PABPC1L: variants seen among roughly 807,000 people sequenced by gnomAD.
PABPC1L encodes polyadenylate-binding protein 1-like.
In PABPC1L, 31 loss-of-function variants were observed where a neutral mutation model predicts 66.6. The ratio of observed to expected loss-of-function variants is 0.47; its 90% CI spans 0.35 to 0.63. The LOEUF is 0.63. PABPC1L is among the 20% of genes least tolerant of loss of function. PABPC1L has a pLI of 0.00. For missense variants in PABPC1L, 722 were observed against 848.8 expected (o/e 0.85, Z 1.86); for synonymous variants, 348 against 335.1 (o/e 1.04, Z -0.42).
rs78275522 is a variant in PABPC1L, at chr20:44,925,945, T to G, written c.972+1689T>G. ...GCAAGTGGCTTTGCTTTTCGGACCT[T>G]GTTTACTCACCTATAAAGTGGGAGC... On this transcript the variant is annotated intron_variant, in intron 7 of 14. Transcript: ENST00000217073. 5.3e-3 allele frequency among the ~76,000 whole-genome samples: 805 copies of G among 152,328 alleles called. 5 individuals are homozygous for G. Among genetic ancestry groups the G allele is most frequent in the African/African-American group, 0.018 (759 of 41,568 alleles).
At chr20:44,923,024 A>G (rs576969321) in intron 6 of PABPC1L, among the ~76,000 whole-genome samples, 1 of 152,356 alleles carries the variant, frequency 6.6e-6, no homozygotes, top group Admixed American at 6.5e-5. Context: ...GCAGAACAAA[A>G]TACTCATCAC....
At chr20:44,922,829 G>C (rs550388406) in intron 6 of PABPC1L, among the ~76,000 whole-genome samples, 1 of 152,302 alleles carries the variant, frequency 6.6e-6, no homozygotes, top group East Asian at 1.9e-4. Flanking sequence ...TTTCATTGTC[G>C]TGTGGGTGGT....
intron 5 of PABPC1L, 128 bp from the exon 6 acceptor site, chr20:44,921,466 G>A (rs2066772611): frequency 1.5e-6 from 2 of 1,348,524 alleles, no homozygotes; most frequent in Non-Finnish European, 2.0e-6. Flanking sequence ...CCTTTGTCCT[G>A]GTACTGATTA....
At chr20:44,938,244 C>G (rs967973119) in intron 13 of PABPC1L, 53 bp downstream of exon 13, 17 of 1,585,454 alleles carry the variant, frequency 1.1e-5, no homozygotes, top group Non-Finnish European at 1.2e-5. Flanking sequence ...GGAGAGCTAA[C>G]GACAAGGGCT....
At chr20:44,938,787 A>ATC in intron 14 of PABPC1L, 39 bp downstream of exon 14, 3 of 1,581,928 alleles carry the variant, frequency 1.9e-6, no homozygotes, top group Non-Finnish European at 2.6e-6. Context: ...AGCCCGGGAG[A>ATC]AGCTGTAAGG....
At chr20:44,911,099 G>T (rs1189378949) in intron 1 of PABPC1L, among the ~76,000 whole-genome samples, 1 of 151,998 alleles carries the variant, frequency 6.6e-6, no homozygotes, top group Non-Finnish European at 1.5e-5. Flanking sequence ...AATGGTAACT[G>T]CTTGTTACCT....
chr20:44,931,965 G>A (rs7264269), intron 8 of PABPC1L: 6,361 of 160,228 alleles, frequency 0.04, 436 homozygotes, highest in African/African-American at 0.14. Context: ...AGCATGGTTT[G>A]GGAAAGGACC....
intron 7 of PABPC1L, among the ~76,000 whole-genome samples, chr20:44,928,887 AAAAAAAAAAAGG>A (rs2066830359): frequency 7.4e-6 from 1 of 135,050 alleles, no homozygotes; most frequent in Non-Finnish European, 1.6e-5. Context: ...AAAAAAAAAG[AAAAAAAAAAAGG>A]AAAAAAAGAA....
chr20:44,934,196 A>C (rs1304645209), intron 10 of PABPC1L, among the ~76,000 whole-genome samples: 1 of 152,194 alleles, frequency 6.6e-6, no homozygotes, highest in Non-Finnish European at 1.5e-5. Context: ...AAATGTTCTC[A>C]CATCCACAGT....
At position 44,930,429 on chromosome 20, in the gene PABPC1L, C is replaced by G. The variant is rs376428627; in HGVS notation, c.973-31C>G. 6.3e-6 allele frequency: 10 copies of G among 1,592,620 alleles called. 1 individual carries two copies. In the African/African-American group the frequency reaches 1.3e-4, roughly 21 times the overall value. On this transcript the variant is annotated intron_variant, in intron 7 of 14. Coordinates refer to ENST00000217073, the MANE Select transcript of PABPC1L (RefSeq NM_001372179.1). ...AGCCCCAGGAGCCTTCCTTCCCCACCCCAGCAGCTCTTGTCTTGTCTTGCT... is the reference window on the plus strand; with the variant it reads ...AGCCCCAGGAGCCTTCCTTCCCCACGCCAGCAGCTCTTGTCTTGTCTTGCT...
At chr20:44,922,095 T>C (rs187874987) in intron 6 of PABPC1L, among the ~76,000 whole-genome samples, 49 of 152,324 alleles carry the variant, frequency 3.2e-4, no homozygotes, top group Admixed American at 3.3e-4. Context: ...ATCCTACTCC[T>C]GGCTGAGAAT....
At position 44,935,389 on chromosome 20, in the gene PABPC1L, A is replaced by G. The variant is rs2066893541; in HGVS notation, c.1460-2A>G. ...TTTGTTTTGTTTTGTTTTGTTTTGC[A>G]GCCAACATTGGTACTCAGACCACAG... On this transcript the variant is annotated splice_acceptor_variant, in intron 10 of 14. Transcript: ENST00000217073. LOFTEE classifies it high-confidence loss of function. 1 of 1,612,478 alleles carries G rather than the reference A, an allele frequency of 6.2e-7. No individual in the cohort carries two copies. Among genetic ancestry groups the G allele is most frequent in the Admixed American group, 1.7e-5 (1 of 59,914 alleles).
chr20:44,910,128 C>G lies in PABPC1L; in HGVS notation c.-16C>G, dbSNP rs532517682. On this transcript the variant is annotated 5_prime_UTR_variant, in exon 1 of 15. Coordinates refer to ENST00000217073, the MANE Select transcript of PABPC1L (RefSeq NM_001372179.1). The stretch of plus-strand genomic sequence containing the variant: ...CCGGCTCCTGCTTGCCCCGCAGCCC[C>G]GGCCCCCTGCCCACCATGAACGCCA... The G allele has an allele frequency of 1.3e-6, 2 of 1,545,532 alleles. No individual in the cohort carries two copies. The highest frequency in any genetic ancestry group is 1.7e-4 in the Middle Eastern group (1 of 5,852).
chr20:44,910,089 G>C lies in PABPC1L; in HGVS notation c.-55G>C, dbSNP rs1287838527. ...AGGGCTTCCGCCCGGGTGAGCGCGG[G>C]GCTGCTGGGTGACCCGGCTCCTGCT... On this transcript the variant is annotated 5_prime_UTR_variant, in exon 1 of 15. Coordinates refer to ENST00000217073, the MANE Select transcript of PABPC1L (RefSeq NM_001372179.1). 2 of 1,459,294 alleles carry C rather than the reference G, an allele frequency of 1.4e-6. No homozygotes were observed. Among genetic ancestry groups the C allele is most frequent in the African/African-American group, 1.4e-5 (1 of 69,018 alleles). 90.4% of individuals were successfully genotyped at this position (1,459,294 alleles called of 1,614,324 possible).
intron 3 of PABPC1L, 61 bp downstream of exon 3, chr20:44,916,932 A>G: frequency 6.7e-7 from 1 of 1,500,768 alleles, no homozygotes; most frequent in Non-Finnish European, 9.3e-7. Context: ...GGCACCACCG[A>G]CTAGGAATCG....
chr20:44,936,471 C>T (rs542166223), intron 11 of PABPC1L, among the ~76,000 whole-genome samples, 166 bp from the exon 12 acceptor site: 16 of 152,250 alleles, frequency 1.1e-4, no homozygotes, highest in African/African-American at 3.9e-4. Flanking sequence ...TCTTCTAATC[C>T]ACTTTGCCCT....
At chr20:44,935,070 G>GAAAA (rs576914712) in intron 10 of PABPC1L, among the ~76,000 whole-genome samples, 11 of 130,100 alleles carry the variant, frequency 8.5e-5, no homozygotes, top group African/African-American at 3.1e-4. Flanking sequence ...TCTGTCTCAG[G>GAAAA]AAAAAAAAAA....
At chr20:44,938,923 G>T (rs571506615) in intron 14 of PABPC1L, among the ~76,000 whole-genome samples, 175 bp downstream of exon 14, 1 of 152,226 alleles carries the variant, frequency 6.6e-6, no homozygotes, top group Non-Finnish European at 1.5e-5. Context: ...TGATCGGAAT[G>T]GGGGGTGGTG....
intron 8 of PABPC1L, 65 bp from the exon 9 acceptor site, chr20:44,932,277 G>GGTCACCTGAGGGC: frequency 7.7e-7 from 1 of 1,295,252 alleles, no homozygotes; most frequent in Non-Finnish European, 1.1e-6. Context: ...TGTCCCTGAG[G>GGTCACCTGAGGGC]AGGTGTAGCT....
Sources: allele counts gnomAD v4.1 joint callset (sites outside exome capture counted in the v4.1 genomes callset), GRCh38; gene constraint gnomAD v4.1.1; transcripts MANE v1.5; gene names NCBI Gene and HGNC (gene_info 2026-07-23, HGNC 2026-07-21).